Variants in C10orf67 observed in about 807,000 individuals in gnomAD.
The protein encoded by C10orf67 is chromosome 10 open reading frame 67, also known as uncharacterized protein C10orf67, mitochondrial.
In C10orf67, 60 loss-of-function variants were observed where a neutral mutation model predicts 35.6. The ratio of observed to expected loss-of-function variants is 1.68; its 90% CI spans 1.37 to 2.09. C10orf67 has a LOEUF of 2.09. Among genes scored for constraint, C10orf67 ranks in the 30% most tolerant of loss-of-function variants. C10orf67 has a pLI of 0.00. For missense variants in C10orf67, 474 were observed against 330.2 expected, an observed-to-expected ratio of 1.44 and a Z score of -3.38; for synonymous variants, 167 against 115.8, an observed-to-expected ratio of 1.44 and a Z score of -2.84.
rs187985683 is a variant in C10orf67 at position 23,237,147 on chromosome 10, C to T, written c.1434+2582G>A. On this transcript the variant is annotated intron_variant, in intron 13 of 15. Coordinates refer to ENST00000636213, the MANE Select transcript of C10orf67 (RefSeq NM_001371909.1). ...AGAACATGTGGTATTTGGTTTTCTGCTTCTGTGTTAGGTCACTTAGGATAA... is the reference window on the plus strand; with the variant it reads ...AGAACATGTGGTATTTGGTTTTCTGTTTCTGTGTTAGGTCACTTAGGATAA... 3.7e-3 allele frequency among the ~76,000 whole-genome samples: 567 copies of T among 152,216 alleles called. 1 individual carries two copies. Among genetic ancestry groups the T allele is most frequent in the Non-Finnish European group, 5.3e-3 (358 of 68,000 alleles).
chr10:23,226,352 C>T (rs974717815), intron 13 of C10orf67, among the ~76,000 whole-genome samples: 5 of 151,970 alleles, frequency 3.3e-5, no homozygotes, highest in African/African-American at 1.2e-4. Flanking sequence ...GGGTACATAA[C>T]AAAATGAAGG....
intron 8 of C10orf67, among the ~76,000 whole-genome samples, chr10:23,277,270 T>C (rs146141965): frequency 1.3e-3 from 192 of 152,240 alleles, no homozygotes; most frequent in African/African-American, 4.5e-3. Context: ...CAGAAATAAG[T>C]GGCTGGGTAT....
intron 4 of C10orf67, chr10:23,318,885 A>T (rs1480186494): frequency 3.9e-6 from 3 of 777,676 alleles, no homozygotes; most frequent in Non-Finnish European, 7.2e-6. Context: ...CCTTCAGCAC[A>T]TCCAGAGTAT....
At chr10:23,250,128 G>A (rs1842411415) in intron 12 of C10orf67, among the ~76,000 whole-genome samples, 1 of 152,202 alleles carries the variant, frequency 6.6e-6, no homozygotes, top group South Asian at 2.1e-4. Context: ...ATATATCATT[G>A]TGTGCAAATG....
At chr10:23,263,343 T>C (rs989315656) in intron 10 of C10orf67, among the ~76,000 whole-genome samples, 4 of 152,224 alleles carry the variant, frequency 2.6e-5, no homozygotes, top group Non-Finnish European at 4.4e-5. Context: ...TTCAACCATC[T>C]AGCCTATAAT....
chr10:23,296,180 C>CTT (rs201455113), intron 5 of C10orf67, among the ~76,000 whole-genome samples: 9 of 145,698 alleles, frequency 6.2e-5, no homozygotes, highest in Non-Finnish European at 1.1e-4. Context: ...TCTATGTGTA[C>CTT]TTTTTTTTTT....
chr10:23,323,952 T>TATAC (rs1564513730), intron 2 of C10orf67, among the ~76,000 whole-genome samples: 7 of 64,674 alleles, frequency 1.1e-4, no homozygotes, highest in Admixed American at 3.5e-4. Flanking sequence ...TATATATATA[T>TATAC]ACACACACAC....
intron 13 of C10orf67, among the ~76,000 whole-genome samples, chr10:23,235,325 T>C (rs1680368003): frequency 1.3e-5 from 2 of 152,160 alleles, no homozygotes; most frequent in Admixed American, 6.5e-5. Flanking sequence ...AATAACTAAG[T>C]TGTCTTCATT....
intron 10 of C10orf67, among the ~76,000 whole-genome samples, chr10:23,256,795 A>T (rs1240030835): frequency 6.6e-6 from 1 of 152,138 alleles, no homozygotes; most frequent in Non-Finnish European, 1.5e-5. Context: ...ATCAGCAGCT[A>T]CTACAGGAAA....
At chr10:23,269,022 C>T (rs1842952952) in intron 8 of C10orf67, among the ~76,000 whole-genome samples, 1 of 152,118 alleles carries the variant, frequency 6.6e-6, no homozygotes, top group Non-Finnish European at 1.5e-5. Context: ...TTATAGTTAA[C>T]CTTTGTTGTA....
rs1239794069 is a variant in C10orf67, at chr10:23,291,236, T to C, written c.746A>G (p.Glu249Gly). The C allele has an allele frequency of 1.4e-6, 1 of 716,970 alleles. No homozygotes were observed. The allele number at this position is 716,970 out of a possible 1,614,324, so 44.4% of individuals were successfully genotyped here. Residue 249 changes from glutamate (E) to glycine (G), a missense_variant, in exon 6 of 16, where the codon GAA (glutamate) becomes GGA (glycine). Physicochemically the swap from Glu to Gly is moderately conservative, Grantham distance 98 (BLOSUM62 -2). Coordinates refer to ENST00000636213, the MANE Select transcript of C10orf67 (RefSeq NM_001371909.1). ...KETSSPKSNL[E>G]KENLEYKVEN... is the part of the protein sequence containing the mutation. ...CACTTTGTACTCCAAATTTTCCTTT[T>C]CTAGGTTTGATTTTGGAGAGCTGGT... is the stretch of plus-strand genomic sequence containing the variant.
At chr10:23,237,201 A>G (rs1202750916) in intron 13 of C10orf67, among the ~76,000 whole-genome samples, 2 of 152,306 alleles carry the variant, frequency 1.3e-5, no homozygotes, top group East Asian at 1.9e-4. Flanking sequence ...ATGTTGCTGC[A>G]AAGGACATGA....
intron 2 of C10orf67, among the ~76,000 whole-genome samples, chr10:23,325,753 A>C (rs1449887053): frequency 6.6e-6 from 1 of 151,958 alleles, no homozygotes; most frequent in Non-Finnish European, 1.5e-5. Flanking sequence ...CAATATTACC[A>C]AAATGTCAGA....
At chr10:23,303,263 T>C in intron 5 of C10orf67, 41 bp downstream of exon 5, 1 of 469,014 alleles carries the variant, frequency 2.1e-6, no homozygotes, top group Admixed American at 4.3e-5. Flanking sequence ...TGACTTTATT[T>C]ATGTATATTA....
At chr10:23,325,597 C>T (rs1428304372) in intron 2 of C10orf67, among the ~76,000 whole-genome samples, 1 of 147,382 alleles carries the variant, frequency 6.8e-6, no homozygotes, top group Admixed American at 6.7e-5. Context: ...AAAACTTCAG[C>T]ATTCTTTAGG....
intron 10 of C10orf67, among the ~76,000 whole-genome samples, chr10:23,253,407 G>T (rs1202916531): frequency 6.6e-6 from 1 of 152,116 alleles, no homozygotes; most frequent in Non-Finnish European, 1.5e-5. Context: ...TTTGTCCAGG[G>T]TACAAGGGGT....
intron 13 of C10orf67, among the ~76,000 whole-genome samples, chr10:23,233,033 T>C (rs895563477): frequency 3.9e-5 from 6 of 152,188 alleles, no homozygotes; most frequent in African/African-American, 1.4e-4. Context: ...GGTGCACACC[T>C]GCAGTCCCAG....
chr10:23,323,211 C>A (rs1845027555), intron 2 of C10orf67, among the ~76,000 whole-genome samples: 1 of 152,178 alleles, frequency 6.6e-6, no homozygotes, highest in African/African-American at 2.4e-5. Flanking sequence ...AAAAGAGAGG[C>A]AAGAATCATC....
At chr10:23,259,112 C>T (rs117667208) in intron 10 of C10orf67, among the ~76,000 whole-genome samples, 2,071 of 152,230 alleles carry the variant, frequency 0.014, 28 homozygotes, top group Middle Eastern at 0.037. Flanking sequence ...TCAACAGCAT[C>T]CAGGAATTTT....
Sources: allele counts gnomAD v4.1 joint callset (sites outside exome capture counted in the v4.1 genomes callset), GRCh38; gene constraint gnomAD v4.1.1; transcripts MANE v1.5; gene names NCBI Gene and HGNC (gene_info 2026-07-23, HGNC 2026-07-21).